MAGEC3: variants seen among roughly 807,000 people sequenced by gnomAD.
The protein encoded by MAGEC3 is MAGE family member C3, also known as melanoma-associated antigen C3.
In MAGEC3, 34 loss-of-function variants were observed where a neutral mutation model predicts 35.3. The ratio of observed to expected loss-of-function variants is 0.96; its 90% CI spans 0.73 to 1.28. The LOEUF is 1.28. Among genes scored for constraint, MAGEC3 ranks in the 50% most tolerant of loss-of-function variants. MAGEC3 has a pLI of 0.00. For missense variants in MAGEC3, 561 were observed against 483.6 expected (o/e 1.16, Z -1.50); for synonymous variants, 202 against 185.6 (o/e 1.09, Z -0.72).
chrX:141,895,989 T>C (rs2018090481), intron 6 of MAGEC3, among the ~76,000 whole-genome samples: 1 of 110,468 alleles, frequency 9.1e-6, no homozygotes, highest in South Asian at 3.9e-4. Flanking sequence ...TTGCCCTGAG[T>C]TTTGGCCAGA....
chrX:141,879,654 A>G (rs911404515), intron 3 of MAGEC3, among the ~76,000 whole-genome samples: 2 of 110,175 alleles, frequency 1.8e-5, no homozygotes, highest in Middle Eastern at 4.7e-3. Flanking sequence ...TAGAGAGGAG[A>G]CCTAGCCCCA....
intron 1 of MAGEC3, among the ~76,000 whole-genome samples, chrX:141,843,960 C>T (rs1381120204): frequency 9.0e-6 from 1 of 110,638 alleles, no homozygotes; most frequent in African/African-American, 3.3e-5. Context: ...CTTTGTAGTA[C>T]TTATTCCCTT....
chrX:141,843,028 GAATA>G (rs1274836784), intron 1 of MAGEC3, among the ~76,000 whole-genome samples: 1 of 112,033 alleles, frequency 8.9e-6, no homozygotes, highest in Non-Finnish European at 1.9e-5. Context: ...ATAATTTTGA[GAATA>G]AATCTACGTT....
Position 141,851,299 on chromosome X carries a change from C to T in MAGEC3, c.123+12861C>T, listed in dbSNP as rs773510848. 2.1e-3 allele frequency among the ~76,000 whole-genome samples: 236 copies of T among 109,811 alleles called. 1 individual carries two copies. Among genetic ancestry groups the T allele is most frequent in the Middle Eastern group, 0.014 (3 of 208 alleles). The stretch of plus-strand genomic sequence containing the variant: ...ATGATGAAAATGATTGTCTTTAGAG[C>T]TTGAATTCTTACTATGTGCTACACT... On this transcript the variant is annotated intron_variant, in intron 1 of 7. Coordinates refer to ENST00000298296, the MANE Select transcript of MAGEC3 (RefSeq NM_138702.1).
chrX:141,843,921 C>T (rs771464457), intron 1 of MAGEC3, among the ~76,000 whole-genome samples: 1 of 110,733 alleles, frequency 9.0e-6, no homozygotes, highest in South Asian at 3.8e-4. Context: ...CAAGCGCATC[C>T]CTTATCCAGG....
rs780312722 is a variant in MAGEC3 at position 141,865,539 on chromosome X, T to C, written c.192T>C (p.Leu64=). The C allele has an allele frequency of 2.5e-6, 3 of 1,208,450 alleles. No individual in the cohort carries two copies. The African/African-American group carries it at 5.3e-5, about 21-fold the overall frequency. The change falls in exon 2 of 8, where the codon CTT becomes CTC. Residue 64 remains leucine, a synonymous_variant. Coordinates refer to ENST00000298296, the MANE Select transcript of MAGEC3 (RefSeq NM_138702.1). ...FHLGHLREVR[L]FLRGGTSDQR... ...TTGGGCATCTGAGGGAGGTGAGGCT[T>C]TTTCTGAGGGGTGGAACTTCAGATC...
intron 1 of MAGEC3, among the ~76,000 whole-genome samples, chrX:141,840,845 G>A (rs1444698749): frequency 9.1e-6 from 1 of 109,427 alleles, no homozygotes; most frequent in Non-Finnish European, 1.9e-5. Flanking sequence ...AATAGTTAAT[G>A]AATAAATTGT....
At chrX:141,882,865 C>T (rs1164082475) in intron 4 of MAGEC3, among the ~76,000 whole-genome samples, 1 of 111,840 alleles carries the variant, frequency 8.9e-6, no homozygotes, top group Non-Finnish European at 1.9e-5. Flanking sequence ...GGAGGTGAGA[C>T]TCCAGATGGA....
intron 1 of MAGEC3, among the ~76,000 whole-genome samples, chrX:141,857,478 C>A (rs888698731): frequency 9.0e-6 from 1 of 111,381 alleles, no homozygotes; most frequent in African/African-American, 3.3e-5. Context: ...AAACTCCTTT[C>A]ATGTCCTAGT....
chrX:141,839,912 C>A, intron 1 of MAGEC3: 1 of 559,696 alleles, frequency 1.8e-6, no homozygotes, highest in Non-Finnish European at 2.2e-6. Flanking sequence ...GGACAAAGGA[C>A]GACCTCACAC....
At chrX:141,863,597 C>G (rs973177181) in intron 1 of MAGEC3, among the ~76,000 whole-genome samples, 3 of 111,585 alleles carry the variant, frequency 2.7e-5, no homozygotes, top group African/African-American at 6.5e-5. Flanking sequence ...ATTTTCTTAT[C>G]AATTTGTTTT....
intron 1 of MAGEC3, chrX:141,838,884 T>C (rs1276485510): frequency 9.4e-6 from 7 of 743,464 alleles, no homozygotes; most frequent in Non-Finnish European, 6.3e-6. Flanking sequence ...GCTACTGGGC[T>C]CCAGGACAGT....
intron 4 of MAGEC3, among the ~76,000 whole-genome samples, chrX:141,885,171 G>A (rs545805332): frequency 9.0e-5 from 10 of 111,524 alleles, no homozygotes; most frequent in African/African-American, 2.0e-4. Flanking sequence ...GTATGACCCC[G>A]TGAGGAGGTG....
chrX:141,895,731 G>A (rs1361952659), intron 6 of MAGEC3, among the ~76,000 whole-genome samples, 172 bp downstream of exon 6: 1 of 105,617 alleles, frequency 9.5e-6, no homozygotes, highest in Non-Finnish European at 2.0e-5. Context: ...GGGAGGGGTG[G>A]AGGGGAGGGG....
chrX:141,884,433 C>T (rs2017987838), intron 4 of MAGEC3, among the ~76,000 whole-genome samples: 1 of 111,383 alleles, frequency 9.0e-6, no homozygotes, highest in Non-Finnish European at 1.9e-5. Context: ...TGTGGGACCT[C>T]ACGATCATGG....
At chrX:141,839,920 C>G in intron 1 of MAGEC3, 1 of 609,342 alleles carries the variant, frequency 1.6e-6, no homozygotes, top group Non-Finnish European at 2.0e-6. Context: ...GACGACCTCA[C>G]ACAAGAAAGA....
intron 3 of MAGEC3, 92 bp downstream of exon 3, chrX:141,879,523 G>C (rs2017945994): frequency 9.6e-7 from 1 of 1,040,917 alleles, no homozygotes. Flanking sequence ...GAAAGGGTCG[G>C]GGAGGTAGGC....
intron 3 of MAGEC3, chrX:141,880,827 G>C (rs749315679): frequency 8.8e-7 from 1 of 1,136,825 alleles, no homozygotes; most frequent in Admixed American, 2.2e-5. Context: ...CTTAAGAGAA[G>C]AAGAGCTGTA....
At chrX:141,847,483 T>A (rs909900577) in intron 1 of MAGEC3, among the ~76,000 whole-genome samples, 34 of 111,266 alleles carry the variant, frequency 3.1e-4, no homozygotes, top group Non-Finnish European at 1.9e-5. Context: ...GACTGAATAT[T>A]CCAAAAGAAA....
Sources: allele counts gnomAD v4.1 joint callset (sites outside exome capture counted in the v4.1 genomes callset), GRCh38; gene constraint gnomAD v4.1.1; transcripts MANE v1.5; gene names NCBI Gene and HGNC (gene_info 2026-07-23, HGNC 2026-07-21).